CHD3: variants seen among roughly 807,000 people sequenced by gnomAD.
CHD3 encodes the protein chromodomain helicase DNA binding protein 3.
Under a neutral mutation model 248.9 loss-of-function variants are expected in CHD3, and 52 were observed. The ratio of observed to expected loss-of-function variants is 0.21; its 90% CI spans 0.17 to 0.26. The LOEUF (loss-of-function observed/expected upper bound fraction) is 0.26, where lower values mean the gene tolerates loss of function less well. Among genes scored for constraint, CHD3 ranks in the 10% least tolerant of loss-of-function variants. The pLI, the probability that CHD3 is intolerant of heterozygous loss-of-function variation, is 1.00. For synonymous variants in CHD3, 985 were observed against 985.2 expected (o/e 1.00, Z 0.00); for missense variants, 1,482 against 2,605.8 (o/e 0.57, Z 9.39).
rs559322845 is a variant in CHD3, at chr17:7,904,597, T to G, written c.4050T>G (p.Asn1350Lys). 6.2e-7 allele frequency: 1 copy of G among 1,613,904 alleles called. No homozygotes were observed. The highest frequency in any genetic ancestry group is 1.1e-5 in the South Asian group (1 of 91,080). Reference sequence around the variant, plus strand: ...GGGTTCGCAAGCAAGTTAACTACAATGATGCTGCTCAGGAAGACCAAGGTG... The same window carrying G: ...GGGTTCGCAAGCAAGTTAACTACAAGGATGCTGCTCAGGAAGACCAAGGTG... ...GKRVRKQVNY[N>K]DAAQEDQDNQ... The change falls in exon 25 of 40, where the codon AAT (asparagine) becomes AAG (lysine). Residue 1350 changes from asparagine to lysine, a missense_variant. Asn to Lys is a moderately conservative substitution (Grantham distance 94, BLOSUM62 0). Coordinates refer to ENST00000330494, the MANE Select transcript of CHD3 (RefSeq NM_001005273.3). This position sits in a 1 kb window ranked among gnomAD's most constrained non-coding sequence, Gnocchi z 4.4.
rs1968456286 is a variant in CHD3, at chr17:7,889,165, G to A, written c.100+65G>A. 6.2e-7 allele frequency: 1 copy of A among 1,603,072 alleles called. No homozygotes were observed. The highest frequency in any genetic ancestry group is 1.7e-5 in the Admixed American group (1 of 59,172). On this transcript the variant is annotated intron_variant, in intron 1 of 39. Coordinates refer to ENST00000330494, the MANE Select transcript of CHD3 (RefSeq NM_001005273.3). This position sits in a 1 kb window ranked among gnomAD's most constrained non-coding sequence, Gnocchi z 4.5. ...GGCAAAAGGATGTCAGGGCCCCAGG[G>A]TGTTAGTGTGAGAACCCAGGTGTCC...
chr17:7,900,410 A>C lies in CHD3; in HGVS notation c.2803A>C (p.Asn935His), dbSNP rs1056217344. 10 of 1,613,984 alleles carry C rather than the reference A, an allele frequency of 6.2e-6. 1 individual carries two copies. The African/African-American group carries it at 1.3e-4, about 22-fold the overall frequency. ...GAACTTCCTCACCCCAGAGAGATTTAAGTAAGTGGTTCCCTAAGGGTAGTT... is the reference window on the plus strand; with the variant it reads ...GAACTTCCTCACCCCAGAGAGATTTCAGTAAGTGGTTCCCTAAGGGTAGTT... The part of the protein sequence containing the change: ...LLNFLTPERF[N>H]NLEGFLEEFA... Residue 935 changes from asparagine (N) to histidine (H), a missense_variant and splice_region_variant, in exon 17 of 40, where the codon AAC becomes CAC. Around this residue, in one of 20 missense-constraint regions of CHD3, gnomAD observed 36 missense variants for 189.3 expected, o/e 0.19. Transcript: ENST00000330494. This position sits in a 1 kb window ranked among gnomAD's most constrained non-coding sequence, Gnocchi z 6.5.
rs780573521 is a variant in CHD3, at chr17:7,899,977, C to T, written c.2626C>T (p.Arg876Cys). The T allele has an allele frequency of 1.2e-4, 189 of 1,613,960 alleles. No homozygotes were observed. The highest frequency in any genetic ancestry group is 1.6e-4 in the Non-Finnish European group (186 of 1,180,020). The change falls in exon 16 of 40, where the codon CGC (arginine) becomes TGC (cysteine). Residue 876 changes from arginine to cysteine, a missense_variant. Around this residue, in one of 20 missense-constraint regions of CHD3, gnomAD observed 49 missense variants for 93.8 expected, o/e 0.52. Transcript: ENST00000330494. This position sits in a 1 kb window ranked among gnomAD's most constrained non-coding sequence, Gnocchi z 6.8. ...TIDQAALGSI[R>C]WACLVVDEAH... ...TGATCAGGCAGCACTTGGTTCCATC[C>T]GCTGGGCCTGTCTTGTGGTAGATGA...
Position 7,889,525 on chromosome 17 carries a change from C to T in CHD3, c.101-139C>T, listed in dbSNP as rs1968515653. ...ACTCGAAACACTTTCTGTTTGCATCCAGTGAAGGGAGGCAGGGCTTGGAGG... is the reference window on the plus strand; with the variant it reads ...ACTCGAAACACTTTCTGTTTGCATCTAGTGAAGGGAGGCAGGGCTTGGAGG... On this transcript the variant is annotated intron_variant, in intron 1 of 39. Transcript: ENST00000330494. This position sits in a 1 kb window ranked among gnomAD's most constrained non-coding sequence, Gnocchi z 4.5. 1.5e-6 allele frequency: 1 copy of T among 682,654 alleles called. No homozygotes were observed. The highest frequency in any genetic ancestry group is 1.8e-5 in the African/African-American group (1 of 55,172). 42.3% of individuals were successfully genotyped at this position (682,654 alleles called of 1,614,324 possible). A position where few individuals can be genotyped will look rare whatever the true frequency, so the allele number is the denominator to read the frequency against.
At chr17:7,884,803 C>A, upstream of CHD3, 2 of 652,668 alleles carry the variant, frequency 3.1e-6, no homozygotes, top group Non-Finnish European at 4.6e-6. Context: ...GCCAGAGCCA[C>A]AGGATGGCTT....
Position 7,907,100 on chromosome 17 carries a change from C to T in CHD3, c.4667-26C>T. On this transcript the variant is annotated intron_variant, in intron 30 of 39. Transcript: ENST00000330494. The surrounding 1 kb of genome is among the most constrained non-coding windows in gnomAD (Gnocchi z 4.3). ...GGAGTCAGGGCGGGAGAATCTCTGT[C>T]TTTATCACTGTGCCTTCCCCTGCAG... 6.2e-7 allele frequency: 1 copy of T among 1,614,154 alleles called. No homozygotes were observed. Among genetic ancestry groups the T allele is most frequent in the Non-Finnish European group, 8.5e-7 (1 of 1,180,002 alleles).
At position 7,895,109 on chromosome 17, in the gene CHD3, C is replaced by T; in HGVS notation, c.1462C>T (p.Pro488Ser). 5.0e-6 allele frequency: 8 copies of T among 1,614,096 alleles called. No homozygotes were observed. The highest frequency in any genetic ancestry group is 6.8e-6 in the Non-Finnish European group (8 of 1,180,002). ...CATTCATTGTCTAAACCCTCCCCTGCCTGACATTCCCAATGGTGAATGGCT... is the reference window on the plus strand; with the variant it reads ...CATTCATTGTCTAAACCCTCCCCTGTCTGACATTCCCAATGGTGAATGGCT... Reference protein sequence around the residue: ...YHIHCLNPPLPDIPNGEWLCP... With the variant: ...YHIHCLNPPLSDIPNGEWLCP... Residue 488 changes from proline to serine, a missense_variant, in exon 9 of 40, where the codon CCT becomes TCT. Transcript: ENST00000330494. This position sits in a 1 kb window ranked among gnomAD's most constrained non-coding sequence, Gnocchi z 4.9.
rs1969381819 is a variant in CHD3, at chr17:7,894,616, C to T, written c.1269+8C>T. The T allele has an allele frequency of 1.2e-6, 2 of 1,604,720 alleles. No homozygotes were observed. Among genetic ancestry groups the T allele is most frequent in the Non-Finnish European group, 1.7e-6 (2 of 1,172,910 alleles). ...TGGAGCTGCCCTCACTGTGTGAGTA[C>T]CTAATGCCAGCATCTGATGGCCCTG... On this transcript the variant is annotated splice_region_variant and intron_variant, in intron 8 of 39. Coordinates refer to ENST00000330494, the MANE Select transcript of CHD3 (RefSeq NM_001005273.3).
upstream of CHD3, chr17:7,885,035 C>A: frequency 8.9e-7 from 1 of 1,120,156 alleles, no homozygotes; most frequent in Non-Finnish European, 1.1e-6. Context: ...CCCGCCGCCG[C>A]CGCCGCCGCC....
At chr17:7,896,584 T>C (rs578131103) in intron 10 of CHD3, among the ~76,000 whole-genome samples, 36 of 151,800 alleles carry the variant, frequency 2.4e-4, no homozygotes, top group South Asian at 1.9e-3. Flanking sequence ...TTTGTATTTT[T>C]AGTAGAGACG....
Position 7,909,087 on chromosome 17 carries a change from C to T in CHD3, c.5395-56C>T. On this transcript the variant is annotated intron_variant, in intron 36 of 39. Transcript: ENST00000330494. The surrounding 1 kb of genome is among the most constrained non-coding windows in gnomAD (Gnocchi z 8.1). ...TCTCTTGCTATGTCCGCCCCCCCAG[C>T]CCCTCACCCACTGCTGGCAGAGCCC... 2 of 1,546,806 alleles carry T rather than the reference C, an allele frequency of 1.3e-6. No homozygotes were observed. The highest frequency in any genetic ancestry group is 1.7e-6 in the Non-Finnish European group (2 of 1,145,122).
At chr17:7,884,890 C>G, upstream of CHD3, 4 of 1,297,698 alleles carry the variant, frequency 3.1e-6, no homozygotes, top group South Asian at 1.6e-5. Flanking sequence ...AAGAAGAGGG[C>G]GACGAGGAGG....
At chr17:7,890,257 T>TC (rs1480921754) in intron 2 of CHD3, among the ~76,000 whole-genome samples, 2 of 151,866 alleles carry the variant, frequency 1.3e-5, no homozygotes, top group African/African-American at 4.8e-5. Flanking sequence ...GTGGTGAAAC[T>TC]CCGTCTCTAC....
At chr17:7,892,121 G>T (rs1389941653) in intron 4 of CHD3, among the ~76,000 whole-genome samples, 1 of 152,178 alleles carries the variant, frequency 6.6e-6, no homozygotes, top group Non-Finnish European at 1.5e-5. Flanking sequence ...CTCCTAGGGA[G>T]CATTCAGTAA....
chr17:7,894,674 C>T (rs1969390276), intron 8 of CHD3, 66 bp downstream of exon 8: 1 of 1,520,732 alleles, frequency 6.6e-7, no homozygotes. Context: ...CCCTTGGTTT[C>T]ACTTACCCTC....
At chr17:7,901,995 A>G (rs970198764) in intron 20 of CHD3, among the ~76,000 whole-genome samples, 7 of 152,096 alleles carry the variant, frequency 4.6e-5, no homozygotes, top group African/African-American at 1.7e-4. Flanking sequence ...CTCTGGGTCT[A>G]CTCACCAGAA....
rs988899892 is a variant in CHD3, at chr17:7,905,884, A to G, written c.4253A>G (p.Lys1418Arg). The G allele has an allele frequency of 6.2e-7, 1 of 1,614,066 alleles. No individual in the cohort carries two copies. The highest frequency in any genetic ancestry group is 1.3e-5 in the African/African-American group (1 of 74,912). Residue 1418 changes from lysine (K) to arginine (R), a missense_variant, in exon 28 of 40, where the codon AAG (lysine) becomes AGG (arginine). By Grantham distance (26) the Lys-to-Arg change is conservative (BLOSUM62 2). This residue lies in a region of CHD3 where 156 missense variants were observed against 420.3 expected (regional missense o/e 0.37). Coordinates refer to ENST00000330494, the MANE Select transcript of CHD3 (RefSeq NM_001005273.3). The surrounding 1 kb of genome is among the most constrained non-coding windows in gnomAD (Gnocchi z 5.8). ...EVLGFNTRQR[K>R]AFLNAVMRWG... ...CTGGGCTTCAACACCCGTCAGCGGA[A>G]GGCTTTCCTCAATGCTGTGATGCGC... is the stretch of plus-strand genomic sequence containing the variant.
rs1352044364 is a variant in CHD3 at position 7,894,577 on chromosome 17, C to T, written c.1238C>T (p.Ala413Val). ...LVCLDPELDR[A>V]PEGKWSCPHC... is the part of the protein sequence containing the mutation. ...TGCCTTGATCCTGAGCTTGACCGGG[C>T]TCCAGAGGGCAAATGGAGCTGCCCT... Residue 413 changes from alanine (A) to valine (V), a missense_variant, in exon 8 of 40, where the codon GCT becomes GTT. Around this residue, in one of 20 missense-constraint regions of CHD3, gnomAD observed 138 missense variants for 241.1 expected, o/e 0.57. Coordinates refer to ENST00000330494, the MANE Select transcript of CHD3 (RefSeq NM_001005273.3). The T allele has an allele frequency of 6.2e-7, 1 of 1,613,740 alleles. No homozygotes were observed. The highest frequency in any genetic ancestry group is 1.3e-5 in the African/African-American group (1 of 74,878).
upstream of CHD3, among the ~76,000 whole-genome samples, chr17:7,888,412 C>CT (rs1968325375): frequency 6.6e-6 from 1 of 152,230 alleles, no homozygotes; most frequent in African/African-American, 2.4e-5. Flanking sequence ...CAAGCCCAGG[C>CT]TTTCCCATCT....
Sources: allele counts gnomAD v4.1 joint callset (sites outside exome capture counted in the v4.1 genomes callset), GRCh38; gene constraint gnomAD v4.1.1; regional missense constraint gnomAD v4.1.1; non-coding constraint Gnocchi (gnomAD v3.1); transcripts MANE v1.5; gene names NCBI Gene and HGNC (gene_info 2026-07-23, HGNC 2026-07-21).